Variants in HEATR5A observed in about 807,000 individuals in gnomAD.
HEATR5A encodes the protein HEAT repeat-containing protein 5A.
A neutral mutation model predicts 218.8 loss-of-function variants in HEATR5A; 178 were observed. That is an observed-to-expected ratio of 0.81 (90% CI 0.72 to 0.92). The LOEUF is 0.92. HEATR5A is among the 40% of genes least tolerant of loss of function. The pLI is 0.00. For missense variants in HEATR5A, 2,420 were observed against 2,418.9 expected (o/e 1.00, Z -0.01); for synonymous variants, 864 against 871.6 (o/e 0.99, Z 0.15).
chr14:31,403,805 TAC>T (rs2030961513), intron 1 of HEATR5A, among the ~76,000 whole-genome samples: 1 of 152,222 alleles, frequency 6.6e-6, no homozygotes, highest in African/African-American at 2.4e-5. Flanking sequence ...ATCTCCTGGG[TAC>T]ACCTTAGTGC....
intron 14 of HEATR5A, 61 bp downstream of exon 14, chr14:31,364,128 C>A: frequency 1.5e-6 from 1 of 669,386 alleles, no homozygotes; most frequent in South Asian, 2.2e-5. Flanking sequence ...GTGACAATAA[C>A]TATTGTTCCA....
chr14:31,377,804 GA>G (rs1302401330), intron 11 of HEATR5A, among the ~76,000 whole-genome samples: 2 of 151,340 alleles, frequency 1.3e-5, no homozygotes, highest in Non-Finnish European at 3.0e-5. Flanking sequence ...AAATGAATAA[GA>G]ATAAAAATAG....
intron 22 of HEATR5A, chr14:31,334,441 G>A (rs573856388): frequency 1.2e-4 from 55 of 456,144 alleles, no homozygotes; most frequent in Non-Finnish European, 2.2e-4. Context: ...TACTCCTGGT[G>A]AAGATGCTGT....
intron 22 of HEATR5A, chr14:31,334,233 A>G (rs1900574220): frequency 3.0e-6 from 1 of 330,640 alleles, no homozygotes; most frequent in East Asian, 7.4e-5. Flanking sequence ...GAGGCGTACA[A>G]GGAGATAAAT....
chr14:31,327,286 C>CTTTTTTTTTT (rs71951930), intron 22 of HEATR5A, among the ~76,000 whole-genome samples: 3 of 45,158 alleles, frequency 6.6e-5, no homozygotes, highest in Non-Finnish European at 8.3e-5. Flanking sequence ...TCCAGTGGCA[C>CTTTTTTTTTT]TTTTTTTTTT....
chr14:31,400,983 G>A (rs1049140923), intron 2 of HEATR5A, among the ~76,000 whole-genome samples: 2 of 151,906 alleles, frequency 1.3e-5, no homozygotes, highest in Non-Finnish European at 2.9e-5. Context: ...GGGACTACAG[G>A]CGCCCGCCAC....
intron 23 of HEATR5A, among the ~76,000 whole-genome samples, chr14:31,325,227 T>C (rs531984253): frequency 6.6e-6 from 1 of 152,262 alleles, no homozygotes; most frequent in East Asian, 1.9e-4. Context: ...GTTTTTCTCT[T>C]CTCTCTTCCT....
chr14:31,328,673 A>G (rs1900355360), intron 22 of HEATR5A, among the ~76,000 whole-genome samples: 1 of 152,090 alleles, frequency 6.6e-6, no homozygotes, highest in African/African-American at 2.4e-5. Context: ...TGAGGTCAGG[A>G]GTTTGAGACT....
At chr14:31,396,895 C>A (rs1455594619) in intron 4 of HEATR5A, among the ~76,000 whole-genome samples, 2 of 152,064 alleles carry the variant, frequency 1.3e-5, no homozygotes, top group South Asian at 4.1e-4. Flanking sequence ...CCTCTATTAA[C>A]CAAGGGGCCT....
intron 22 of HEATR5A, among the ~76,000 whole-genome samples, chr14:31,336,997 T>C (rs1012374269): frequency 8.5e-5 from 13 of 152,206 alleles, no homozygotes; most frequent in African/African-American, 2.9e-4. Flanking sequence ...CTGGATACTA[T>C]AGGCAATTAT....
chr14:31,293,386 G>T lies in HEATR5A; in HGVS notation c.6060C>A (p.Val2020=). The T allele has an allele frequency of 1.9e-6, 3 of 1,613,802 alleles. No individual in the cohort carries two copies. Among genetic ancestry groups the T allele is most frequent in the Non-Finnish European group, 2.5e-6 (3 of 1,179,792 alleles). ...EAAIKGNQES[V]KVKIPTSKYT... ...ATTTAGATGTTGGTATCTTGACTTT[G>T]ACACTTTCCTGATTGCCCTTTATAG... Residue 2020 remains valine (V), a synonymous_variant, in exon 36 of 36, where the codon GTC becomes GTA. Transcript: ENST00000543095.
chr14:31,305,829 T>C (rs1899539387), intron 31 of HEATR5A, among the ~76,000 whole-genome samples: 1 of 152,186 alleles, frequency 6.6e-6, no homozygotes, highest in African/African-American at 2.4e-5. Context: ...ACATCCTTAA[T>C]GTCTTTAAGA....
intron 1 of HEATR5A, among the ~76,000 whole-genome samples, chr14:31,410,716 A>G (rs948831151): frequency 6.6e-6 from 1 of 152,212 alleles, no homozygotes; most frequent in African/African-American, 2.4e-5. Context: ...TTAAAACTTG[A>G]TAATTTAAAA....
intron 31 of HEATR5A, 66 bp downstream of exon 31, chr14:31,306,666 A>C: frequency 7.0e-7 from 1 of 1,438,694 alleles, no homozygotes; most frequent in East Asian, 2.4e-5. Context: ...ATATAGATAC[A>C]TTAAATAATA....
Position 31,389,010 on chromosome 14 carries a change from G to GA in HEATR5A, c.773-6dup, listed in dbSNP as rs753619398. On this transcript the variant is annotated splice_polypyrimidine_tract_variant and splice_region_variant and intron_variant, in intron 6 of 35. Coordinates refer to ENST00000543095, the MANE Select transcript of HEATR5A (RefSeq NM_015473.4). ...GAATGCTTTGACGTGAGGCTGCTATGACAAAGAACAAAACTGTGATTCATA... is the reference window on the plus strand; with the variant it reads ...GAATGCTTTGACGTGAGGCTGCTATGAACAAAGAACAAAACTGTGATTCATA... 3.1e-6 allele frequency: 5 copies of GA among 1,599,068 alleles called. No homozygotes were observed. The African/African-American group carries it at 6.7e-5, about 21-fold the overall frequency.
chr14:31,309,122 C>G lies in HEATR5A; in HGVS notation c.4502G>C (p.Trp1501Ser), dbSNP rs767866311. The G allele has an allele frequency of 2.5e-6, 4 of 1,613,808 alleles. No individual in the cohort carries two copies. The African/African-American group carries it at 5.3e-5, about 22-fold the overall frequency. ...TGCTGTAGCATGGAGGATAAGTGCC[C>G]AGGAGTTGTAATAATGCAATTTTGC... The part of the protein sequence containing the change: ...ENAKLHYYNS[W>S]ALILHATALW... Residue 1501 changes from tryptophan to serine, a missense_variant, in exon 29 of 36, where the codon TGG (tryptophan) becomes TCG (serine). Transcript: ENST00000543095.
chr14:31,397,949 A>C lies in HEATR5A; in HGVS notation c.447+724T>G, dbSNP rs571790650. ...ATCACAGGTGCGAACTACCATGTCC[A>C]TGTTTTTATATTTAAAGGTGCTAAG... On this transcript the variant is annotated intron_variant, in intron 4 of 35. Coordinates refer to ENST00000543095, the MANE Select transcript of HEATR5A (RefSeq NM_015473.4). 2.6e-5 allele frequency among the ~76,000 whole-genome samples: 4 copies of C among 152,314 alleles called. No homozygotes were observed. In the South Asian group the frequency reaches 8.3e-4, roughly 32 times the overall value.
At chr14:31,411,012 A>G (rs2031252853) in intron 1 of HEATR5A, among the ~76,000 whole-genome samples, 1 of 152,220 alleles carries the variant, frequency 6.6e-6, no homozygotes, top group Non-Finnish European at 1.5e-5. Flanking sequence ...AATTTGATTG[A>G]GCTGAGTGGT....
At chr14:31,406,756 G>C (rs1276747568) in intron 1 of HEATR5A, among the ~76,000 whole-genome samples, 1 of 151,384 alleles carries the variant, frequency 6.6e-6, no homozygotes, top group Admixed American at 6.6e-5. Flanking sequence ...TCAGGAGTTC[G>C]AGACCAGCCT....
Sources: gnomAD v4.1 joint callset for allele counts (sites outside exome capture counted in the v4.1 genomes callset) on GRCh38, gnomAD v4.1.1 for gene constraint, MANE v1.5 for transcripts, NCBI Gene and HGNC (gene_info 2026-07-23, HGNC 2026-07-21) for gene names.